The following AGO2 variants were observed in gnomAD, a reference collection of about 807,000 sequenced individuals.
The protein encoded by AGO2 is argonaute RISC catalytic component 2, also known as protein argonaute-2.
AGO2 carries 5 observed loss-of-function variants against 102.3 expected under a neutral mutation model. The ratio of observed to expected loss-of-function variants is 0.05; its 90% CI spans 0.03 to 0.10. The LOEUF is 0.10. Ranked by LOEUF, AGO2 falls within the 10% of genes least tolerant of loss-of-function variation. The probability of loss-of-function intolerance (pLI) is 1.00; values close to 1 mark genes in which losing one functional copy is unlikely to be tolerated. For synonymous variants in AGO2, 449 were observed against 473.1 expected (o/e 0.95, Z 0.66); for missense variants, 541 against 1,183.7 (o/e 0.46, Z 7.97).
rs1455738581 is a variant in AGO2 at position 140,541,190 on chromosome 8, C to T, written c.2008G>A (p.Gly670Ser). 1.3e-6 allele frequency: 2 copies of T among 1,574,752 alleles called. No homozygotes were observed. The highest frequency in any genetic ancestry group is 1.7e-6 in the Non-Finnish European group (2 of 1,160,098). ...TGCTGGAACTGGCCTTCAGAGACACCGTCGCGGTAGAAGATGATGCGGGTG... is the reference window on the plus strand; with the variant it reads ...TGCTGGAACTGGCCTTCAGAGACACTGTCGCGGTAGAAGATGATGCGGGTG... ...KPTRIIFYRD[G>S]VSEGQFQQVL... Residue 670 changes from glycine to serine, a missense_variant, in exon 15 of 19, where the codon GGT becomes AGT. Around this residue, in one of 6 missense-constraint regions of AGO2, gnomAD observed 309 missense variants for 735.1 expected, o/e 0.42. Coordinates refer to ENST00000220592, the MANE Select transcript of AGO2 (RefSeq NM_012154.5).
intron 1 of AGO2, 114 bp downstream of exon 1, chr8:140,635,371 C>A: frequency 1.4e-6 from 1 of 710,860 alleles, no homozygotes; most frequent in South Asian, 6.1e-5. Context: ...CGGCCCCCGC[C>A]GCCCCGACCC....
intron 1 of AGO2, among the ~76,000 whole-genome samples, chr8:140,606,218 C>T (rs1427707046): frequency 2.0e-5 from 3 of 152,200 alleles, no homozygotes; most frequent in African/African-American, 7.2e-5. Context: ...CAAGTAGGTT[C>T]TGATGCCTAA....
At chr8:140,635,877 A>C (rs2074403379), upstream of AGO2, among the ~76,000 whole-genome samples, 3 of 122,296 alleles carry the variant, frequency 2.5e-5, no homozygotes, top group Non-Finnish European at 3.5e-5. Context: ...GGCGGTGGGA[A>C]CCGCGGGCGG....
chr8:140,621,495 A>G (rs2152107520), intron 1 of AGO2, among the ~76,000 whole-genome samples: 1 of 152,260 alleles, frequency 6.6e-6, no homozygotes, highest in Non-Finnish European at 1.5e-5. Context: ...CATAGCTGTC[A>G]CTCAACACTG....
chr8:140,605,124 C>T (rs920771298), intron 1 of AGO2, among the ~76,000 whole-genome samples: 1 of 152,060 alleles, frequency 6.6e-6, no homozygotes, highest in African/African-American at 2.4e-5. Context: ...GAGGTGGGGT[C>T]TTCCTCTCTT....
At chr8:140,549,008 G>T in intron 12 of AGO2, 106 bp downstream of exon 12, 1 of 1,375,028 alleles carries the variant, frequency 7.3e-7, no homozygotes, top group Non-Finnish European at 9.7e-7. Flanking sequence ...GGCCCAAAAG[G>T]AGCACCTTTC....
At position 140,540,271 on chromosome 8, in the gene AGO2, C is replaced by T. The variant is rs1177595573; in HGVS notation, c.2035-817G>A. On this transcript the variant is annotated intron_variant, in intron 15 of 18. Transcript: ENST00000220592. The surrounding 1 kb of genome is among the most constrained non-coding windows in gnomAD (Gnocchi z 5.0). ...AAGGCAAATGGGGGAGGCTGGGCTGCGTGCCATCCCGCCTCCTGATCAAGG... is the reference window on the plus strand; with the variant it reads ...AAGGCAAATGGGGGAGGCTGGGCTGTGTGCCATCCCGCCTCCTGATCAAGG... Among the ~76,000 whole-genome samples, 1 of 152,176 alleles carries T rather than the reference C, an allele frequency of 6.6e-6. No individual in the cohort carries two copies. Among genetic ancestry groups the T allele is most frequent in the Non-Finnish European group, 1.5e-5 (1 of 68,036 alleles).
chr8:140,569,342 C>T (rs2073342301), intron 3 of AGO2, among the ~76,000 whole-genome samples: 1 of 152,242 alleles, frequency 6.6e-6, no homozygotes, highest in African/African-American at 2.4e-5. Flanking sequence ...TGTCCACCAC[C>T]ACTCCTAGAC....
At chr8:140,596,499 C>G (rs1453926175) in intron 1 of AGO2, among the ~76,000 whole-genome samples, 5 of 152,238 alleles carry the variant, frequency 3.3e-5, no homozygotes, top group Non-Finnish European at 5.9e-5. Flanking sequence ...GGGATAATCA[C>G]CTGAACCCTG....
At chr8:140,616,686 C>T (rs1169613429) in intron 1 of AGO2, among the ~76,000 whole-genome samples, 1 of 152,222 alleles carries the variant, frequency 6.6e-6, no homozygotes, top group Non-Finnish European at 1.5e-5. Flanking sequence ...TGGGCAGGGC[C>T]TGGGTGGGAG....
chr8:140,588,791 C>A (rs915506691), intron 1 of AGO2, among the ~76,000 whole-genome samples: 1 of 152,028 alleles, frequency 6.6e-6, no homozygotes, highest in East Asian at 1.9e-4. Flanking sequence ...GGCTGGCGGG[C>A]CCTCTGCACT....
Position 140,541,153 on chromosome 8 carries a change from G to A in AGO2, c.2034+11C>T. On this transcript the variant is annotated intron_variant, in intron 15 of 18. Coordinates refer to ENST00000220592, the MANE Select transcript of AGO2 (RefSeq NM_012154.5). ...CAGAGAAGGGGAGGGAAGGTTCCAA[G>A]AGGCGCCCACCTGCTGGAACTGGCC... is the stretch of plus-strand genomic sequence containing the variant. 2.6e-6 allele frequency: 4 copies of A among 1,539,850 alleles called. No homozygotes were observed. The highest frequency in any genetic ancestry group is 3.5e-6 in the Non-Finnish European group (4 of 1,139,986).
intron 3 of AGO2, among the ~76,000 whole-genome samples, chr8:140,565,075 A>G (rs1183683231): frequency 1.3e-5 from 2 of 152,048 alleles, no homozygotes; most frequent in East Asian, 3.9e-4. Flanking sequence ...CAGAGGTTGC[A>G]GTGAGCCGAG....
At chr8:140,566,848 G>A (rs1345336685) in intron 3 of AGO2, among the ~76,000 whole-genome samples, 2 of 152,198 alleles carry the variant, frequency 1.3e-5, no homozygotes, top group South Asian at 4.1e-4. Flanking sequence ...AGGAGTAGCC[G>A]GTCGCTGAGA....
At chr8:140,618,947 G>T (rs1563652469) in intron 1 of AGO2, among the ~76,000 whole-genome samples, 1 of 151,450 alleles carries the variant, frequency 6.6e-6, no homozygotes, top group African/African-American at 2.4e-5. Context: ...ATGATGGAAA[G>T]AACAGTTTTT....
intron 1 of AGO2, 98 bp downstream of exon 1, chr8:140,635,387 C>A (rs1038515715): frequency 2.4e-6 from 2 of 837,574 alleles, no homozygotes; most frequent in Non-Finnish European, 2.9e-6. Flanking sequence ...GACCCCGCGG[C>A]CCCCCGATCC....
chr8:140,618,243 C>T (rs1285164696), intron 1 of AGO2, among the ~76,000 whole-genome samples: 3 of 152,034 alleles, frequency 2.0e-5, no homozygotes, highest in East Asian at 1.9e-4. Context: ...TCGCTTGAAC[C>T]CAGGTGGCAG....
chr8:140,539,524 G>T lies in AGO2; in HGVS notation c.2035-70C>A. 6.5e-7 allele frequency: 1 copy of T among 1,529,052 alleles called. No individual in the cohort carries two copies. Among genetic ancestry groups the T allele is most frequent in the Non-Finnish European group, 8.9e-7 (1 of 1,128,550 alleles). The allele number at this position is 1,529,052 out of a possible 1,614,324, so 94.7% of individuals were successfully genotyped here. On this transcript the variant is annotated intron_variant, in intron 15 of 18. Coordinates refer to ENST00000220592, the MANE Select transcript of AGO2 (RefSeq NM_012154.5). The surrounding 1 kb of genome is among the most constrained non-coding windows in gnomAD (Gnocchi z 4.7). ...CATGTGAGCAACGGTCCCACGTGCG[G>T]GTTCTGGGTTGAGAACACCCAGCCG...
chr8:140,572,575 C>T (rs1379661715), intron 3 of AGO2: 7 of 453,368 alleles, frequency 1.5e-5, no homozygotes, highest in Admixed American at 4.3e-5. Context: ...TTGGTGGTTT[C>T]AGCAAGTTCT....
Sources: allele counts gnomAD v4.1 joint callset (sites outside exome capture counted in the v4.1 genomes callset), GRCh38; gene constraint gnomAD v4.1.1; regional missense constraint gnomAD v4.1.1; non-coding constraint Gnocchi (gnomAD v3.1); transcripts MANE v1.5; gene names NCBI Gene and HGNC (gene_info 2026-07-23, HGNC 2026-07-21).